Variants in SKA1 observed in about 807,000 individuals in gnomAD.
SKA1 encodes the protein spindle and kinetochore associated complex subunit 1.
A neutral mutation model predicts 31.8 loss-of-function variants in SKA1; 20 were observed. The observed-to-expected ratio is 0.63, with a 90% CI of 0.44 to 0.91. SKA1 has a LOEUF of 0.91. Among genes scored for constraint, SKA1 ranks in the 40% least tolerant of loss-of-function variants. SKA1 has a pLI of 0.00. For synonymous variants in SKA1, 88 were observed against 100.5 expected, an observed-to-expected ratio of 0.88 and a Z score of 0.74; for missense variants, 253 against 298.2, an observed-to-expected ratio of 0.85 and a Z score of 1.12.
intron 6 of SKA1, among the ~76,000 whole-genome samples, chr18:50,391,886 C>T (rs1307582291): frequency 6.6e-6 from 1 of 152,112 alleles, no homozygotes; most frequent in Non-Finnish European, 1.5e-5. Context: ...ATTGTTCAAG[C>T]GATACCAACA....
intron 3 of SKA1, among the ~76,000 whole-genome samples, chr18:50,380,607 C>T (rs1051554992): frequency 2.0e-5 from 3 of 152,136 alleles, no homozygotes; most frequent in African/African-American, 7.2e-5. Flanking sequence ...CTCTGCCACC[C>T]TGAGAAAGCT....
Position 50,382,131 on chromosome 18 carries a change from A to C in SKA1, c.216A>C (p.Glu72Asp). ...TTGTGAGCACTTTTAAATTTTAGGA[A>C]CTCTGTGAATCTCTTGAAGAAGATT... The part of the protein sequence containing the change: ...YQEQTNNSLK[E>D]LCESLEEDYK... Residue 72 changes from glutamate to aspartate, a missense_variant and splice_region_variant, in exon 4 of 7, where the codon GAA becomes GAC. Physicochemically the swap from Glu to Asp is conservative, Grantham distance 45. Transcript: ENST00000285116. 6.6e-7 allele frequency: 1 copy of C among 1,516,124 alleles called. No individual in the cohort carries two copies. Among genetic ancestry groups the C allele is most frequent in the Non-Finnish European group, 8.8e-7 (1 of 1,131,828 alleles). 93.9% of individuals were successfully genotyped at this position (1,516,124 alleles called of 1,614,324 possible).
At position 50,391,299 on chromosome 18, in the gene SKA1, A is replaced by G; in HGVS notation, c.619+6A>G. On this transcript the variant is annotated splice_donor_region_variant and intron_variant, in intron 6 of 6. Coordinates refer to ENST00000285116, the MANE Select transcript of SKA1 (RefSeq NM_145060.4). The stretch of plus-strand genomic sequence containing the variant: ...AGAAACGAAGGATACCAAAGGTAAA[A>G]TGGCAGCATATATGTGTGTACATGT... The G allele has an allele frequency of 2.5e-6, 4 of 1,584,050 alleles. No homozygotes were observed. Among genetic ancestry groups the G allele is most frequent in the Non-Finnish European group, 3.4e-6 (4 of 1,169,634 alleles).
chr18:50,388,507 C>A (rs76163188), intron 5 of SKA1, among the ~76,000 whole-genome samples: 2,329 of 148,036 alleles, frequency 0.016, 53 homozygotes, highest in East Asian at 0.089. Flanking sequence ...GTTCCTGTAA[C>A]CTTGTTGTAG....
chr18:50,392,353 T>C lies in SKA1; in HGVS notation c.*106T>C. 5.1e-6 allele frequency: 1 copy of C among 196,476 alleles called. No homozygotes were observed. Among genetic ancestry groups the C allele is most frequent in the Admixed American group, 7.1e-5 (1 of 14,022 alleles). 12.2% of individuals were successfully genotyped at this position (196,476 alleles called of 1,614,324 possible). On this transcript the variant is annotated 3_prime_UTR_variant, in exon 7 of 7. Transcript: ENST00000285116. ...TTAACTTTTAATCTTTTTTGTTTCC[T>C]TTTTTTTTTTTTTGAGACAGGATCT...
At chr18:50,385,153 A>T (rs1391734146) in intron 4 of SKA1, 63 bp from the exon 5 acceptor site, 4 of 1,345,208 alleles carry the variant, frequency 3.0e-6, no homozygotes, top group Non-Finnish European at 4.0e-6. Flanking sequence ...CAGTTGGGAA[A>T]ACTGTCAGTA....
At chr18:50,383,122 C>T (rs2041275841) in intron 4 of SKA1, among the ~76,000 whole-genome samples, 1 of 152,200 alleles carries the variant, frequency 6.6e-6, no homozygotes. Context: ...TTCCCCCTTA[C>T]AAGGTGTGTC....
rs1417026622 is a variant in SKA1, at chr18:50,393,711, T to C, written c.*1464T>C. On this transcript the variant is annotated 3_prime_UTR_variant, in exon 7 of 7. Coordinates refer to ENST00000285116, the MANE Select transcript of SKA1 (RefSeq NM_145060.4). ...AATTTCCAAAGTGATGGAGTACATC[T>C]TTTGTTCTAGTATTTGGTCTTTGAC... is the stretch of plus-strand genomic sequence containing the variant. 4.6e-5 allele frequency: 7 copies of C among 152,236 alleles called. No individual in the cohort carries two copies. The highest frequency in any genetic ancestry group is 1.5e-5 in the Non-Finnish European group (1 of 68,042). The allele number at this position is 152,236 out of a possible 1,614,324, so 9.4% of individuals were successfully genotyped here.
At chr18:50,381,789 G>A (rs61617551) in intron 3 of SKA1, among the ~76,000 whole-genome samples, 45,397 of 143,740 alleles carry the variant, frequency 0.32, 7,141 homozygotes, top group Non-Finnish European at 0.36. Context: ...GCAGTGGCGC[G>A]ATCTCAGCTC....
In SKA1 at chr18:50,382,233, G is replaced by A. The variant is rs2041269393; in HGVS notation, c.311+7G>A. Reference sequence around the variant, plus strand: ...TAACAGTAACCCAGAGCTGGTAAGTGTATTTATAATTATTCTTGCTATCTG... The same window carrying A: ...TAACAGTAACCCAGAGCTGGTAAGTATATTTATAATTATTCTTGCTATCTG... On this transcript the variant is annotated splice_region_variant and intron_variant, in intron 4 of 6. Transcript: ENST00000285116. 1 of 1,445,932 alleles carries A rather than the reference G, an allele frequency of 6.9e-7. No individual in the cohort carries two copies. Among genetic ancestry groups the A allele is most frequent in the Non-Finnish European group, 9.2e-7 (1 of 1,084,738 alleles). 89.6% of individuals were successfully genotyped at this position (1,445,932 alleles called of 1,614,324 possible). A position where few individuals can be genotyped will look rare whatever the true frequency, so the allele number is the denominator to read the frequency against.
chr18:50,388,869 A>C (rs2041332807), intron 5 of SKA1, among the ~76,000 whole-genome samples: 1 of 151,964 alleles, frequency 6.6e-6, no homozygotes, highest in Non-Finnish European at 1.5e-5. Context: ...AAACTCATGG[A>C]AGTATGGGGG....
rs1429259081 is a variant in SKA1 at position 50,380,260 on chromosome 18, C to T, written c.213+10C>T. 1 of 1,540,056 alleles carries T rather than the reference C, an allele frequency of 6.5e-7. No homozygotes were observed. The highest frequency in any genetic ancestry group is 8.7e-7 in the Non-Finnish European group (1 of 1,154,088). Reference sequence around the variant, plus strand: ...CAACAATTCACTCAAGGTAATGTTTCTCTAATGAGGAAGCAGTAAAAAAGA... The same window carrying T: ...CAACAATTCACTCAAGGTAATGTTTTTCTAATGAGGAAGCAGTAAAAAAGA... On this transcript the variant is annotated intron_variant, in intron 3 of 6. Coordinates refer to ENST00000285116, the MANE Select transcript of SKA1 (RefSeq NM_145060.4).
intron 4 of SKA1, among the ~76,000 whole-genome samples, chr18:50,384,621 C>T (rs1012159072): frequency 1.4e-5 from 2 of 147,980 alleles, no homozygotes; most frequent in Non-Finnish European, 1.5e-5. Context: ...GAGTTAGGGA[C>T]GTCAGGAAGA....
rs543552129 is a variant in SKA1, at chr18:50,385,414, A to G, written c.449+61A>G. On this transcript the variant is annotated intron_variant, in intron 5 of 6. Coordinates refer to ENST00000285116, the MANE Select transcript of SKA1 (RefSeq NM_145060.4). ...ATAAACATAAATGATCGTTTAAATAATAAAGCTTAATTATATTAATTGTAA... is the reference window on the plus strand; with the variant it reads ...ATAAACATAAATGATCGTTTAAATAGTAAAGCTTAATTATATTAATTGTAA... 10 of 1,342,728 alleles carry G rather than the reference A, an allele frequency of 7.4e-6. 1 individual carries two copies. In the African/African-American group the frequency reaches 1.2e-4, roughly 16 times the overall value. The allele number at this position is 1,342,728 out of a possible 1,614,324, so 83.2% of individuals were successfully genotyped here.
chr18:50,392,518 G>C lies in SKA1; in HGVS notation c.*271G>C. 9.3e-6 allele frequency: 2 copies of C among 214,598 alleles called. No homozygotes were observed. Among genetic ancestry groups the C allele is most frequent in the Non-Finnish European group, 1.8e-5 (2 of 110,764 alleles). 13.3% of individuals were successfully genotyped at this position (214,598 alleles called of 1,614,324 possible). On this transcript the variant is annotated 3_prime_UTR_variant, in exon 7 of 7. Transcript: ENST00000285116. ...TGAATGGCTGGGACTACAAGCGTGC[G>C]CCACCATGCCTGGCTAATTTTTGTA... is the stretch of plus-strand genomic sequence containing the variant.
At chr18:50,382,260 A>T in intron 4 of SKA1, 34 bp downstream of exon 4, 1 of 1,291,198 alleles carries the variant, frequency 7.7e-7, no homozygotes, top group Non-Finnish European at 1.0e-6. Flanking sequence ...TGCTATCTGG[A>T]TTTATAAACC....
chr18:50,379,708 G>T (rs2041248418), intron 2 of SKA1, among the ~76,000 whole-genome samples: 1 of 152,154 alleles, frequency 6.6e-6, no homozygotes, highest in Non-Finnish European at 1.5e-5. Context: ...ACACTCCTCA[G>T]ATTAGGGCTG....
chr18:50,380,240 A>G lies in SKA1; in HGVS notation c.203A>G (p.Asn68Ser). 6.5e-7 allele frequency: 1 copy of G among 1,545,248 alleles called. No individual in the cohort carries two copies. Among genetic ancestry groups the G allele is most frequent in the Non-Finnish European group, 8.6e-7 (1 of 1,156,238 alleles). Residue 68 changes from asparagine to serine, a missense_variant, in exon 3 of 7, where the codon AAT becomes AGT. Transcript: ENST00000285116. ...LEIQYQEQTN[N>S]SLKELCESLE... Reference sequence around the variant, plus strand: ...ATTCAGTATCAAGAACAAACCAACAATTCACTCAAGGTAATGTTTCTCTAA... The same window carrying G: ...ATTCAGTATCAAGAACAAACCAACAGTTCACTCAAGGTAATGTTTCTCTAA...
rs886705637 is a variant in SKA1, at chr18:50,385,277, A to G, written c.373A>G (p.Lys125Glu). Residue 125 changes from lysine to glutamate, a missense_variant, in exon 5 of 7, where the codon AAG (lysine) becomes GAG (glutamate). Physicochemically the swap from Lys to Glu is moderately conservative, Grantham distance 56. Transcript: ENST00000285116. ...CAAAGTTGAAGAACCTGAACCCGTA[A>G]AGAAGCCTCCCAAAGAGCAAAGAAG... ...PIKVEEPEPVKKPPKEQRSIK... is the reference protein window; with the variant it reads ...PIKVEEPEPVEKPPKEQRSIK... 2 of 1,613,764 alleles carry G rather than the reference A, an allele frequency of 1.2e-6. No homozygotes were observed. Among genetic ancestry groups the G allele is most frequent in the Non-Finnish European group, 1.7e-6 (2 of 1,179,806 alleles).
Sources: gnomAD v4.1 joint callset for allele counts (sites outside exome capture counted in the v4.1 genomes callset) on GRCh38, gnomAD v4.1.1 for gene constraint, MANE v1.5 for transcripts, NCBI Gene and HGNC (gene_info 2026-07-23, HGNC 2026-07-21) for gene names.